Variants in PIGN observed in about 807,000 individuals in gnomAD.
PIGN encodes GPI ethanolamine phosphate transferase 1.
Under a neutral mutation model 125.4 loss-of-function variants are expected in PIGN, and 117 were observed. The observed-to-expected ratio is 0.93, with a 90% confidence interval of 0.80 to 1.09. The LOEUF (loss-of-function observed/expected upper bound fraction) is 1.09, where lower values mean the gene tolerates loss of function less well. Ranked by LOEUF, PIGN falls within the 50% of genes least tolerant of loss-of-function variation. The pLI is 0.00. For synonymous variants in PIGN, 392 were observed against 377.8 expected (o/e 1.04, Z -0.44); for missense variants, 1,075 against 1,094.9 (o/e 0.98, Z 0.26).
chr18:62,142,081 G>A (rs757036060), intron 11 of PIGN, among the ~76,000 whole-genome samples: 1 of 152,194 alleles, frequency 6.6e-6, no homozygotes, highest in Non-Finnish European at 1.5e-5. Flanking sequence ...CTCTGTTGCA[G>A]TACTTACCAC....
chr18:62,179,832 C>T (rs2037655803), intron 1 of PIGN, among the ~76,000 whole-genome samples: 1 of 152,136 alleles, frequency 6.6e-6, no homozygotes, highest in African/African-American at 2.4e-5. Context: ...ATTTCCACTC[C>T]TGCTTTCCCC....
intron 23 of PIGN, 130 bp from the exon 24 acceptor site, chr18:62,090,708 C>A: frequency 3.6e-6 from 2 of 556,806 alleles, no homozygotes; most frequent in Non-Finnish European, 3.2e-6. Flanking sequence ...TATTACAAAA[C>A]TTAAGAAGAA....
At chr18:62,065,640 G>A (rs550860067) in intron 30 of PIGN, among the ~76,000 whole-genome samples, 29 of 152,258 alleles carry the variant, frequency 1.9e-4, no homozygotes, top group Admixed American at 7.8e-4. Flanking sequence ...TCGGGAGGCT[G>A]AGGCAGGAGA....
chr18:62,073,809 G>A (rs1009109293), intron 29 of PIGN, among the ~76,000 whole-genome samples: 2 of 152,178 alleles, frequency 1.3e-5, no homozygotes, highest in African/African-American at 2.4e-5. Context: ...CAAAAAGACC[G>A]CTGGTGTTCA....
intron 22 of PIGN, among the ~76,000 whole-genome samples, chr18:62,098,041 C>A (rs1216898234): frequency 6.6e-6 from 1 of 152,166 alleles, no homozygotes; most frequent in Non-Finnish European, 1.5e-5. Context: ...TTAACTGATC[C>A]AAGCAGAAAT....
intron 19 of PIGN, among the ~76,000 whole-genome samples, chr18:62,106,260 C>T (rs776612885): frequency 6.6e-6 from 1 of 152,074 alleles, no homozygotes; most frequent in Non-Finnish European, 1.5e-5. Flanking sequence ...CAAAAAGTAT[C>T]AAAGTGGAAA....
chr18:62,120,613 G>C (rs1379684135), intron 14 of PIGN, among the ~76,000 whole-genome samples: 1 of 151,888 alleles, frequency 6.6e-6, no homozygotes, highest in Non-Finnish European at 1.5e-5. Context: ...GTTATTTAAA[G>C]TTAATTTACA....
At chr18:62,027,482 C>T (rs549349706) in intron 23 of PIGN, among the ~76,000 whole-genome samples, 158 of 152,240 alleles carry the variant, frequency 1.0e-3, no homozygotes, top group Non-Finnish European at 1.9e-3. Flanking sequence ...TTGGTTCAGT[C>T]CAGAAAGGCG....
chr18:62,167,234 C>A (rs148617707), intron 1 of PIGN, among the ~76,000 whole-genome samples: 1,473 of 135,904 alleles, frequency 0.011, 14 homozygotes, highest in South Asian at 0.028. Flanking sequence ...AAATCTCTCT[C>A]TATATATATA....
intron 7 of PIGN, among the ~76,000 whole-genome samples, chr18:62,150,692 A>ATT (rs113980926): frequency 3.7e-5 from 5 of 134,298 alleles, no homozygotes; most frequent in Admixed American, 1.7e-4. Context: ...ATGAAGAGTT[A>ATT]TTTTTTTTGT....
chr18:62,065,897 A>G (rs1345301682), intron 30 of PIGN, among the ~76,000 whole-genome samples: 1 of 152,192 alleles, frequency 6.6e-6, no homozygotes, highest in Non-Finnish European at 1.5e-5. Flanking sequence ...CCAGGCATCA[A>G]GGTAAGCAAA....
intron 14 of PIGN, chr18:62,136,821 G>A (rs2147109588): frequency 2.7e-6 from 1 of 367,208 alleles, no homozygotes; most frequent in Non-Finnish European, 4.8e-6. Flanking sequence ...GCCCACATAT[G>A]CAGTCAGTAG....
At chr18:62,155,662 C>A (rs2147481029) in intron 6 of PIGN, among the ~76,000 whole-genome samples, 1 of 152,292 alleles carries the variant, frequency 6.6e-6, no homozygotes, top group East Asian at 1.9e-4. Context: ...CACAGCTCAG[C>A]CATTCCTCTT....
At chr18:62,100,971 A>G (rs1348972670) in intron 22 of PIGN, 104 bp downstream of exon 22, 2 of 693,216 alleles carry the variant, frequency 2.9e-6, no homozygotes, top group Non-Finnish European at 5.1e-6. Flanking sequence ...TTTTCCTGCA[A>G]TAAAATTATT....
At chr18:62,074,877 C>G (rs2033093387) in intron 28 of PIGN, 56 bp from the exon 29 acceptor site, 2 of 1,279,116 alleles carry the variant, frequency 1.6e-6, no homozygotes, top group Non-Finnish European at 2.2e-6. Flanking sequence ...ATTTTTCAAG[C>G]TCATTAAAAT....
At chr18:62,165,523 G>A (rs996836484) in intron 1 of PIGN, among the ~76,000 whole-genome samples, 2 of 151,956 alleles carry the variant, frequency 1.3e-5, no homozygotes, top group Non-Finnish European at 2.9e-5. Context: ...GATATGGGGG[G>A]ACGTAAAGCT....
At chr18:62,023,692 C>A (rs1037485384) in intron 23 of PIGN, among the ~76,000 whole-genome samples, 19 of 152,218 alleles carry the variant, frequency 1.2e-4, no homozygotes, top group Non-Finnish European at 1.2e-4. Flanking sequence ...TTGGTCAGTT[C>A]CCTCTTTTGA....
intron 30 of PIGN, chr18:62,070,148 G>T (rs929983373): frequency 1.4e-5 from 5 of 355,812 alleles, no homozygotes; most frequent in Non-Finnish European, 2.0e-5. Flanking sequence ...GACTACAAGA[G>T]AAACGGGGGG....
intron 14 of PIGN, among the ~76,000 whole-genome samples, chr18:62,117,745 A>G (rs1798712267): frequency 1.3e-5 from 2 of 152,108 alleles, no homozygotes; most frequent in South Asian, 2.1e-4. Flanking sequence ...CATCAATTCT[A>G]TTCTGTCAAT....
Sources: allele counts gnomAD v4.1 joint callset (sites outside exome capture counted in the v4.1 genomes callset), GRCh38; gene constraint gnomAD v4.1.1; transcripts MANE v1.5; gene names NCBI Gene and HGNC (gene_info 2026-07-23, HGNC 2026-07-21).